POSTN: variants seen among roughly 807,000 people sequenced by gnomAD.
The protein encoded by POSTN is periostin.
Under a neutral mutation model 104.5 loss-of-function variants are expected in POSTN, and 71 were observed. That is an observed-to-expected ratio of 0.68 (90% CI 0.56 to 0.83). POSTN has a LOEUF of 0.83. POSTN is among the 40% of genes least tolerant of loss of function. The probability of loss-of-function intolerance (pLI) is 0.00; values close to 1 mark genes in which losing one functional copy is unlikely to be tolerated. For missense variants in POSTN, 949 were observed against 1,006.8 expected, an observed-to-expected ratio of 0.94 and a Z score of 0.78; for synonymous variants, 355 against 340.7, an observed-to-expected ratio of 1.04 and a Z score of -0.46.
intron 17 of POSTN, among the ~76,000 whole-genome samples, chr13:37,571,996 A>C (rs1950274885): frequency 6.6e-6 from 1 of 151,640 alleles, no homozygotes; most frequent in Admixed American, 6.6e-5. Context: ...AGGTTTTATG[A>C]GGAAAATAAT....
intron 9 of POSTN, among the ~76,000 whole-genome samples, chr13:37,583,759 C>A (rs890809897): frequency 4.6e-5 from 7 of 152,064 alleles, no homozygotes; most frequent in Non-Finnish European, 1.0e-4. Flanking sequence ...AAATTTCACT[C>A]TCTGTAGGCT....
intron 17 of POSTN, 78 bp downstream of exon 17, chr13:37,574,494 G>A (rs1950350043): frequency 3.4e-6 from 5 of 1,467,238 alleles, no homozygotes; most frequent in African/African-American, 1.5e-5. Context: ...TTAAAAGAAT[G>A]TAGATACATT....
rs1950673796 is a variant in POSTN at position 37,583,964 on chromosome 13, C to T, written c.1243+5G>A. The T allele has an allele frequency of 6.2e-7, 1 of 1,613,328 alleles. No homozygotes were observed. The highest frequency in any genetic ancestry group is 1.3e-5 in the African/African-American group (1 of 74,898). ...AGAGCAGGAACAACAGTGTCCAGCA[C>T]ATACCAGAAAATGCATTATTCACAG... is the stretch of plus-strand genomic sequence containing the variant. On this transcript the variant is annotated splice_donor_5th_base_variant and intron_variant, in intron 9 of 22. Transcript: ENST00000379747.
intron 2 of POSTN, among the ~76,000 whole-genome samples, chr13:37,596,074 A>T (rs1446489287): frequency 6.6e-6 from 1 of 152,062 alleles, no homozygotes; most frequent in African/African-American, 2.4e-5. Flanking sequence ...AAGTGCTGGG[A>T]TTACAGGTGT....
At chr13:37,569,208 T>C in intron 21 of POSTN, 92 bp downstream of exon 21, 3 of 877,582 alleles carry the variant, frequency 3.4e-6, no homozygotes, top group Non-Finnish European at 5.4e-6. Flanking sequence ...TTTAACCCAA[T>C]TAAAAGAAAA....
chr13:37,573,774 T>C (rs1400907879), intron 17 of POSTN, among the ~76,000 whole-genome samples: 1 of 151,532 alleles, frequency 6.6e-6, no homozygotes, highest in East Asian at 1.9e-4. Context: ...ATGGAAATCT[T>C]AAAAAATTTA....
chr13:37,567,785 T>C (rs748072045), intron 21 of POSTN, among the ~76,000 whole-genome samples: 1 of 152,178 alleles, frequency 6.6e-6, no homozygotes, highest in Non-Finnish European at 1.5e-5. Context: ...ACTTAACTTG[T>C]AGCAGTTATA....
At chr13:37,584,961 G>C in intron 7 of POSTN, 33 bp from the exon 8 acceptor site, 2 of 1,608,178 alleles carry the variant, frequency 1.2e-6, no homozygotes, top group Non-Finnish European at 1.7e-6. Context: ...GTAGCTTTCA[G>C]ATCAAGGGAA....
intron 21 of POSTN, 75 bp downstream of exon 21, chr13:37,569,225 C>T: frequency 1.9e-6 from 2 of 1,031,554 alleles, no homozygotes; most frequent in Non-Finnish European, 1.4e-6. Flanking sequence ...AAAAAATCTG[C>T]TTGCTCAGTC....
At chr13:37,564,294 T>C (rs1050753586) in intron 22 of POSTN, among the ~76,000 whole-genome samples, 2 of 148,300 alleles carry the variant, frequency 1.3e-5, no homozygotes, top group African/African-American at 4.9e-5. Flanking sequence ...TACATGAGTA[T>C]GTTGACCTTT....
At chr13:37,594,042 T>C (rs1032026057) in intron 2 of POSTN, among the ~76,000 whole-genome samples, 2 of 151,976 alleles carry the variant, frequency 1.3e-5, no homozygotes, top group Non-Finnish European at 2.9e-5. Context: ...ATAGTTGGTA[T>C]TGGAAACATA....
intron 5 of POSTN, 21 bp downstream of exon 5, chr13:37,587,801 C>G: frequency 6.6e-7 from 1 of 1,511,984 alleles, no homozygotes; most frequent in Non-Finnish European, 9.0e-7. Context: ...CATAAGTGTA[C>G]TTTTTACTGA....
intron 11 of POSTN, among the ~76,000 whole-genome samples, chr13:37,580,347 G>GT (rs1055659403): frequency 8.5e-5 from 13 of 152,176 alleles, no homozygotes; most frequent in Non-Finnish European, 1.5e-5. Flanking sequence ...AGTTTAGTCT[G>GT]TTAGATTTGT....
At chr13:37,579,405 TG>T in intron 12 of POSTN, 46 bp from the exon 13 acceptor site, 3 of 1,441,938 alleles carry the variant, frequency 2.1e-6, no homozygotes, top group Non-Finnish European at 1.9e-6. Flanking sequence ...TATGACTTTT[TG>T]ATAAGGACTA....
chr13:37,575,367 G>A (rs1047363087), intron 16 of POSTN, among the ~76,000 whole-genome samples: 1 of 151,156 alleles, frequency 6.6e-6, no homozygotes, highest in Non-Finnish European at 1.5e-5. Flanking sequence ...TACTATGTTT[G>A]CTGTTTGGGT....
intron 2 of POSTN, among the ~76,000 whole-genome samples, chr13:37,593,259 T>C (rs571333500): frequency 1.3e-5 from 2 of 149,810 alleles, no homozygotes; most frequent in East Asian, 1.9e-4. Flanking sequence ...AAATTATATA[T>C]AATTGCTTAC....
chr13:37,587,718 A>T, intron 5 of POSTN, 104 bp downstream of exon 5: 2 of 960,618 alleles, frequency 2.1e-6, no homozygotes, highest in Non-Finnish European at 3.1e-6. Context: ...CACTTACCTT[A>T]TTCTCACTAA....
intron 21 of POSTN, among the ~76,000 whole-genome samples, chr13:37,567,235 C>CAAAATAAAAAAAAAA (rs1950136442): frequency 2.7e-5 from 1 of 36,928 alleles, no homozygotes; most frequent in Non-Finnish European, 4.6e-5. Context: ...GACTCCGTCT[C>CAAAATAAAAAAAAAA]AAAAAAAAAA....
intron 21 of POSTN, chr13:37,568,609 A>G (rs1189474673): frequency 6.6e-6 from 1 of 152,002 alleles, no homozygotes; most frequent in East Asian, 1.9e-4. Flanking sequence ...TCAAATGCCA[A>G]TGATACAAAT....
Sources: gnomAD v4.1 joint callset for allele counts (sites outside exome capture counted in the v4.1 genomes callset) on GRCh38, gnomAD v4.1.1 for gene constraint, MANE v1.5 for transcripts, NCBI Gene and HGNC (gene_info 2026-07-23, HGNC 2026-07-21) for gene names.